NCOA7: variants seen among roughly 807,000 people sequenced by gnomAD.
NCOA7 encodes 140 kDa estrogen receptor-associated protein.
NCOA7 carries 45 observed loss-of-function variants against 104.3 expected under a neutral mutation model. The observed-to-expected ratio is 0.43, with a 90% confidence interval of 0.34 to 0.55. NCOA7 has a LOEUF of 0.55. NCOA7 is among the 20% of genes least tolerant of loss of function. The pLI is 0.02. For missense variants in NCOA7, 1,041 were observed against 1,119.7 expected, an observed-to-expected ratio of 0.93 and a Z score of 1.00; for synonymous variants, 398 against 402.3, an observed-to-expected ratio of 0.99 and a Z score of 0.13.
At chr6:125,798,705 AACTT>A (rs1250891018) in intron 1 of NCOA7, among the ~76,000 whole-genome samples, 1 of 152,220 alleles carries the variant, frequency 6.6e-6, no homozygotes, top group East Asian at 1.9e-4. Context: ...GAAAGTGACA[AACTT>A]ACTTTTTTCT....
At chr6:125,823,816 A>G (rs192424690) in intron 2 of NCOA7, among the ~76,000 whole-genome samples, 2 of 152,332 alleles carry the variant, frequency 1.3e-5, no homozygotes, top group East Asian at 3.9e-4. Context: ...TGGATAAGAA[A>G]CAGCATTTTT....
At position 125,908,524 on chromosome 6, in the gene NCOA7, C is replaced by G. The variant is rs751017833; in HGVS notation, c.2097-6809C>G. On this transcript the variant is annotated intron_variant, in intron 10 of 15. Coordinates refer to ENST00000392477, the MANE Select transcript of NCOA7 (RefSeq NM_181782.5). ...TTGACTTTCTAGGACCACCCTAATT[C>G]ATCAGAGAAGCTCTAATAATATTGA... is the stretch of plus-strand genomic sequence containing the variant. Among the ~76,000 whole-genome samples, 136 of 152,318 alleles carry G rather than the reference C, an allele frequency of 8.9e-4. 2 individuals are homozygous for G. The highest frequency in any genetic ancestry group is 2.2e-4 in the Non-Finnish European group (15 of 68,024).
chr6:125,895,933 A>G (rs1424875137), intron 10 of NCOA7, among the ~76,000 whole-genome samples: 1 of 151,348 alleles, frequency 6.6e-6, no homozygotes, highest in Non-Finnish European at 1.5e-5. Context: ...TCTCAACCAT[A>G]TCATATGCTA....
chr6:125,811,387 G>C (rs949144962), intron 1 of NCOA7, among the ~76,000 whole-genome samples: 2 of 152,204 alleles, frequency 1.3e-5, no homozygotes, highest in Admixed American at 6.5e-5. Context: ...TATTTGACTT[G>C]AAGGAATTTA....
intron 1 of NCOA7, among the ~76,000 whole-genome samples, chr6:125,782,613 T>C (rs1009149298): frequency 6.6e-6 from 1 of 152,240 alleles, no homozygotes; most frequent in Non-Finnish European, 1.5e-5. Context: ...TTTTACATCA[T>C]TGACCTTTTT....
chr6:125,915,333 G>C lies in NCOA7; in HGVS notation c.2097G>C (p.Arg699Ser). Reference protein sequence around the residue: ...PEYWFAVPRERVDHLYTFFVQ... With the variant: ...PEYWFAVPRESVDHLYTFFVQ... ...CATCTGTCACAAACGTGTTTTTCAG[G>C]GTGGATCATTTGTACACATTCTTTG... Residue 699 changes from arginine to serine, a missense_variant and splice_region_variant, in exon 11 of 16, where the codon AGG becomes AGC. Physicochemically the swap from Arg to Ser is moderately radical, Grantham distance 110 (BLOSUM62 -1). Around this residue, in one of 2 missense-constraint regions of NCOA7, gnomAD observed 914 missense variants for 942.7 expected, o/e 0.97. Coordinates refer to ENST00000392477, the MANE Select transcript of NCOA7 (RefSeq NM_181782.5). 2 of 1,613,516 alleles carry C rather than the reference G, an allele frequency of 1.2e-6. No individual in the cohort carries two copies. Among genetic ancestry groups the C allele is most frequent in the Non-Finnish European group, 1.7e-6 (2 of 1,179,576 alleles).
chr6:125,866,040 T>C (rs896629293), intron 3 of NCOA7, among the ~76,000 whole-genome samples: 3 of 136,678 alleles, frequency 2.2e-5, no homozygotes, highest in Admixed American at 6.9e-5. Context: ...CAAAGACATA[T>C]AACTTTAGGC....
chr6:125,809,585 T>G (rs192717716), intron 1 of NCOA7, among the ~76,000 whole-genome samples: 1 of 152,338 alleles, frequency 6.6e-6, no homozygotes, highest in East Asian at 1.9e-4. Context: ...TGTGTAACAT[T>G]GAAATTTGAA....
intron 10 of NCOA7, chr6:125,913,641 GT>G (rs1786788435): frequency 1.0e-6 from 1 of 983,932 alleles, no homozygotes; most frequent in Non-Finnish European, 1.2e-6. Context: ...AACAGTCCAT[GT>G]TTTGAAGGAG....
At chr6:125,907,375 A>G (rs1396543560) in intron 10 of NCOA7, among the ~76,000 whole-genome samples, 1 of 132,094 alleles carries the variant, frequency 7.6e-6, no homozygotes, top group East Asian at 2.3e-4. Flanking sequence ...CGATGGGGGA[A>G]GCATTCAGGG....
At chr6:125,886,121 G>C (rs1043592150) in intron 8 of NCOA7, among the ~76,000 whole-genome samples, 1 of 150,514 alleles carries the variant, frequency 6.6e-6, no homozygotes, top group African/African-American at 2.5e-5. Context: ...CAAAGCAGTA[G>C]GTCCTAACAG....
At chr6:125,806,057 T>C (rs1394729351) in intron 1 of NCOA7, among the ~76,000 whole-genome samples, 3 of 152,004 alleles carry the variant, frequency 2.0e-5, no homozygotes, top group Admixed American at 2.0e-4. Context: ...AAGGTACCTT[T>C]CAGCCGGGCA....
upstream of NCOA7, chr6:125,781,121 A>T (rs150451452): frequency 1.3e-5 from 2 of 152,386 alleles, no homozygotes; most frequent in African/African-American, 4.8e-5. Context: ...TGATGCAATT[A>T]CCAAAGGAGT....
chr6:125,868,304 T>C (rs1259702434), intron 3 of NCOA7, among the ~76,000 whole-genome samples: 1 of 152,248 alleles, frequency 6.6e-6, no homozygotes, highest in Non-Finnish European at 1.5e-5. Context: ...TGGTTTATAA[T>C]TGTTTTAACA....
chr6:125,930,025 A>G lies in NCOA7; in HGVS notation c.*1254A>G, dbSNP rs1464392045. On this transcript the variant is annotated 3_prime_UTR_variant, in exon 16 of 16. Transcript: ENST00000392477. ...GGAATAGAAAGGAAAACCTATTTTT[A>G]AGATATCAACCTATTTTCACATCAT... The G allele has an allele frequency of 1.3e-5, 2 of 152,222 alleles. No homozygotes were observed. Among genetic ancestry groups the G allele is most frequent in the African/African-American group, 4.8e-5 (2 of 41,460 alleles). 9.4% of individuals were successfully genotyped at this position (152,222 alleles called of 1,614,324 possible). A position where few individuals can be genotyped will look rare whatever the true frequency, so the allele number is the denominator to read the frequency against.
intron 2 of NCOA7, among the ~76,000 whole-genome samples, chr6:125,850,785 A>G (rs560825219): frequency 6.6e-6 from 1 of 152,354 alleles, no homozygotes; most frequent in South Asian, 2.1e-4. Flanking sequence ...TGATCAGCCA[A>G]TACATCAGAA....
chr6:125,913,539 ACAAT>A (rs1223582541), intron 10 of NCOA7: 6 of 578,376 alleles, frequency 1.0e-5, no homozygotes, highest in Non-Finnish European at 8.7e-6. Flanking sequence ...ATACCCATGT[ACAAT>A]CATAGTATCT....
intron 7 of NCOA7, among the ~76,000 whole-genome samples, chr6:125,883,817 T>C (rs1784048092): frequency 6.6e-6 from 1 of 151,430 alleles, no homozygotes; most frequent in Non-Finnish European, 1.5e-5. Flanking sequence ...CCTCCTGGGT[T>C]CAAGCGATTC....
chr6:125,801,134 C>G (rs9385385), intron 1 of NCOA7, among the ~76,000 whole-genome samples: 4 of 152,116 alleles, frequency 2.6e-5, no homozygotes, highest in African/African-American at 9.6e-5. Flanking sequence ...CTATAGAAAG[C>G]GTGATAGAAG....
Sources: gnomAD v4.1 joint callset for allele counts (sites outside exome capture counted in the v4.1 genomes callset) on GRCh38, gnomAD v4.1.1 for gene constraint, gnomAD v4.1.1 regional missense constraint, MANE v1.5 for transcripts, NCBI Gene and HGNC (gene_info 2026-07-23, HGNC 2026-07-21) for gene names.